The following TRPC4AP variants were observed in gnomAD, a reference collection of about 807,000 sequenced individuals.
The protein encoded by TRPC4AP is transient receptor potential cation channel subfamily C member 4 associated protein.
In TRPC4AP, 45 loss-of-function variants were observed where a neutral mutation model predicts 99.0. That is an observed-to-expected ratio of 0.45 (90% confidence interval 0.36 to 0.58). The LOEUF (loss-of-function observed/expected upper bound fraction) is 0.58, where lower values mean the gene tolerates loss of function less well. TRPC4AP is among the 20% of genes least tolerant of loss of function. The pLI is 0.00. For synonymous variants in TRPC4AP, 408 were observed against 385.8 expected (o/e 1.06, Z -0.67); for missense variants, 879 against 985.3 (o/e 0.89, Z 1.44).
chr20:35,081,509 T>C (rs2084645599), intron 1 of TRPC4AP, among the ~76,000 whole-genome samples: 1 of 150,738 alleles, frequency 6.6e-6, no homozygotes, highest in Non-Finnish European at 1.5e-5. Context: ...TGCAACCCTG[T>C]CTCAAAAAAT....
chr20:35,019,495 C>T (rs1468526487), intron 9 of TRPC4AP, among the ~76,000 whole-genome samples: 2 of 152,162 alleles, frequency 1.3e-5, no homozygotes, highest in Non-Finnish European at 2.9e-5. Context: ...GCGCACAGCC[C>T]AGTTTATGCC....
intron 5 of TRPC4AP, among the ~76,000 whole-genome samples, chr20:35,053,132 A>G (rs2083743913): frequency 6.6e-6 from 1 of 152,218 alleles, no homozygotes; most frequent in African/African-American, 2.4e-5. Context: ...AATTTATAAA[A>G]ATCAAATCAA....
intron 2 of TRPC4AP, among the ~76,000 whole-genome samples, chr20:35,071,573 GT>G (rs199840514): frequency 0.022 from 3,364 of 151,902 alleles, 59 homozygotes; most frequent in Non-Finnish European, 0.034. Flanking sequence ...CAGAATGATG[GT>G]TTCCAGATTC....
intron 11 of TRPC4AP, among the ~76,000 whole-genome samples, 197 bp from the exon 12 acceptor site, chr20:35,010,485 C>A (rs1469596941): frequency 6.6e-6 from 1 of 152,114 alleles, no homozygotes; most frequent in Non-Finnish European, 1.5e-5. Flanking sequence ...TGGAATCTCT[C>A]CCTGGCCCCA....
chr20:35,092,539 A>T, intron 1 of TRPC4AP, 75 bp downstream of exon 1: 1 of 1,400,480 alleles, frequency 7.1e-7, no homozygotes, highest in Non-Finnish European at 9.2e-7. Context: ...GCGGCCTGGA[A>T]AGGCCTCTTC....
chr20:35,037,439 A>G (rs1457578293), intron 7 of TRPC4AP, among the ~76,000 whole-genome samples: 2 of 152,172 alleles, frequency 1.3e-5, no homozygotes, highest in Admixed American at 6.5e-5. Flanking sequence ...AATTGAAAAC[A>G]GGTGCACACA....
In TRPC4AP at chr20:35,044,730, G is replaced by GA; in HGVS notation, c.658-19dup. The GA allele has an allele frequency of 6.2e-7, 1 of 1,611,336 alleles. No individual in the cohort carries two copies. Among genetic ancestry groups the GA allele is most frequent in the Non-Finnish European group, 8.5e-7 (1 of 1,177,896 alleles). Reference sequence around the variant, plus strand: ...ATCATTTCCTACAGAAGACAAAAATGAAACAATCCCCATGCTCAATTCACT... The same window carrying GA: ...ATCATTTCCTACAGAAGACAAAAATGAAAACAATCCCCATGCTCAATTCACT... On this transcript the variant is annotated intron_variant, in intron 6 of 18. Coordinates refer to ENST00000252015, the MANE Select transcript of TRPC4AP (RefSeq NM_015638.3).
chr20:35,003,801 C>CT (rs2082452250), intron 17 of TRPC4AP, among the ~76,000 whole-genome samples, 185 bp from the exon 18 acceptor site: 1 of 152,180 alleles, frequency 6.6e-6, no homozygotes, highest in African/African-American at 2.4e-5. Context: ...AGTTTCCTGA[C>CT]TGAGCACCTT....
At chr20:35,086,541 G>GTA (rs1569158081) in intron 1 of TRPC4AP, among the ~76,000 whole-genome samples, 4 of 19,520 alleles carry the variant, frequency 2.0e-4, no homozygotes, top group African/African-American at 7.0e-4. Flanking sequence ...GTGTGTGTGT[G>GTA]TGTGTGTGTG....
At position 35,092,389 on chromosome 20, in the gene TRPC4AP, C is replaced by T. The variant is rs541125908; in HGVS notation, c.168+225G>A. On this transcript the variant is annotated intron_variant, in intron 1 of 18. Transcript: ENST00000252015. Reference sequence around the variant, plus strand: ...AGGGTTCGTACACGCCATCAGTGTCCACAGCAGCCCAGCCCCGCTCGGCCC... The same window carrying T: ...AGGGTTCGTACACGCCATCAGTGTCTACAGCAGCCCAGCCCCGCTCGGCCC... Among the ~76,000 whole-genome samples the T allele has an allele frequency of 1.2e-4, 19 of 152,344 alleles. No homozygotes were observed. In the South Asian group the frequency reaches 3.9e-3, roughly 32 times the overall value.
At chr20:35,087,552 G>C (rs969358122) in intron 1 of TRPC4AP, among the ~76,000 whole-genome samples, 6 of 152,090 alleles carry the variant, frequency 3.9e-5, no homozygotes, top group Non-Finnish European at 4.4e-5. Context: ...CACTATCCTA[G>C]AGCCCAGCGT....
At chr20:35,052,999 T>C (rs1251831461) in intron 5 of TRPC4AP, among the ~76,000 whole-genome samples, 2 of 152,196 alleles carry the variant, frequency 1.3e-5, no homozygotes, top group Non-Finnish European at 2.9e-5. Flanking sequence ...AGATAGCACA[T>C]AATTGAACCA....
chr20:35,008,314 G>T (rs2295701), intron 13 of TRPC4AP, among the ~76,000 whole-genome samples: 1 of 152,132 alleles, frequency 6.6e-6, no homozygotes, highest in African/African-American at 2.4e-5. Context: ...TTCCTTTGCT[G>T]CTATAGCTCC....
intron 5 of TRPC4AP, among the ~76,000 whole-genome samples, chr20:35,054,130 AC>A (rs1218855781): frequency 4.6e-5 from 7 of 151,470 alleles, no homozygotes; most frequent in African/African-American, 1.7e-4. Context: ...TTTTGCATAC[AC>A]CCACAAGATG....
At chr20:35,012,243 T>C (rs1444778197) in intron 11 of TRPC4AP, among the ~76,000 whole-genome samples, 1 of 152,248 alleles carries the variant, frequency 6.6e-6, no homozygotes, top group East Asian at 1.9e-4. Flanking sequence ...TCTCCAGGCA[T>C]GTTCTGTTAG....
chr20:35,008,396 GC>G (rs969544553), intron 13 of TRPC4AP, among the ~76,000 whole-genome samples: 6 of 152,118 alleles, frequency 3.9e-5, no homozygotes, highest in Admixed American at 1.3e-4. Flanking sequence ...TCATGGCAGG[GC>G]CCGTATCCTA....
chr20:35,066,784 C>A (rs1393410568), intron 3 of TRPC4AP, among the ~76,000 whole-genome samples: 1 of 151,908 alleles, frequency 6.6e-6, no homozygotes, highest in East Asian at 1.9e-4. Flanking sequence ...AAAATAACAT[C>A]AAAATTTAAT....
intron 3 of TRPC4AP, among the ~76,000 whole-genome samples, chr20:35,064,615 T>C (rs1008684994): frequency 1.3e-5 from 2 of 152,252 alleles, no homozygotes; most frequent in Non-Finnish European, 2.9e-5. Context: ...CATCTGTATT[T>C]ATTGTTAACT....
At chr20:35,072,033 C>G (rs2084331518) in intron 2 of TRPC4AP, among the ~76,000 whole-genome samples, 1 of 152,164 alleles carries the variant, frequency 6.6e-6, no homozygotes, top group South Asian at 2.1e-4. Context: ...CTCTGATGGC[C>G]AGTGATGATG....
Sources: allele counts gnomAD v4.1 joint callset (sites outside exome capture counted in the v4.1 genomes callset), GRCh38; gene constraint gnomAD v4.1.1; transcripts MANE v1.5; gene names NCBI Gene and HGNC (gene_info 2026-07-23, HGNC 2026-07-21).